ANGPT4: variants seen among roughly 807,000 people sequenced by gnomAD.
ANGPT4 encodes the protein angiopoietin-4.
A neutral mutation model predicts 53.0 loss-of-function variants in ANGPT4; 50 were observed. The ratio of observed to expected loss-of-function variants is 0.94; its 90% CI spans 0.75 to 1.20. The LOEUF (loss-of-function observed/expected upper bound fraction) is 1.20. ANGPT4 is among the 50% of genes most tolerant of loss of function. ANGPT4 has a pLI of 0.00. For synonymous variants in ANGPT4, 251 were observed against 259.7 expected (o/e 0.97, Z 0.32); for missense variants, 648 against 637.1 (o/e 1.02, Z -0.18).
chr20:884,416 C>T (rs6118080), intron 4 of ANGPT4, among the ~76,000 whole-genome samples: 5,889 of 152,290 alleles, frequency 0.039, 382 homozygotes, highest in African/African-American at 0.13. Flanking sequence ...CCCCAGCACC[C>T]AGCACTGGGC....
intron 1 of ANGPT4, among the ~76,000 whole-genome samples, chr20:896,620 T>A (rs1023374113): frequency 2.0e-5 from 3 of 152,216 alleles, no homozygotes; most frequent in African/African-American, 7.2e-5. Context: ...ATGCATCTTG[T>A]CAACTGCAGA....
In ANGPT4 at chr20:881,134, C is replaced by A. The variant is rs1044716875; in HGVS notation, c.951+37G>T. ...TGTTTGGGAAGCCCTTGGCTCAGCACCCTCTAACAGCCACAGTTCCCAGGG... is the reference window on the plus strand; with the variant it reads ...TGTTTGGGAAGCCCTTGGCTCAGCAACCTCTAACAGCCACAGTTCCCAGGG... On this transcript the variant is annotated intron_variant, in intron 5 of 8. Transcript: ENST00000381922. 6 of 1,508,832 alleles carry A rather than the reference C, an allele frequency of 4.0e-6. No homozygotes were observed. In the African/African-American group the frequency reaches 5.6e-5, roughly 14 times the overall value. The allele number at this position is 1,508,832 out of a possible 1,614,324, so 93.5% of individuals were successfully genotyped here. A position where few individuals can be genotyped will look rare whatever the true frequency, so the allele number is the denominator to read the frequency against.
At chr20:897,065 G>A (rs897994032) in intron 1 of ANGPT4, among the ~76,000 whole-genome samples, 9 of 152,076 alleles carry the variant, frequency 5.9e-5, no homozygotes, top group East Asian at 5.8e-4. Context: ...GCCCCTGCCC[G>A]CCAGAGAACA....
intron 5 of ANGPT4, among the ~76,000 whole-genome samples, chr20:880,416 C>A (rs1981356112): frequency 6.6e-6 from 1 of 152,050 alleles, no homozygotes; most frequent in African/African-American, 2.4e-5. Flanking sequence ...GAGACTTTGT[C>A]CCTACAAAAT....
intron 1 of ANGPT4, among the ~76,000 whole-genome samples, chr20:909,665 C>G (rs772511954): frequency 6.6e-6 from 1 of 152,198 alleles, no homozygotes; most frequent in Non-Finnish European, 1.5e-5. Context: ...TGTTAGTGTC[C>G]TCACTTCACA....
chr20:885,160 C>T lies in ANGPT4; in HGVS notation c.753G>A (p.Leu251=), dbSNP rs1303299936. Residue 251 remains leucine, a synonymous_variant, in exon 4 of 9, where the codon CTG becomes CTA. Transcript: ENST00000381922. ...GGCGCAGGCTGTGCTGCTGGTCCTGCAGGAGGCTGGAGTTGTGCCTGACAC... is the reference window on the plus strand; with the variant it reads ...GGCGCAGGCTGTGCTGCTGGTCCTGTAGGAGGCTGGAGTTGTGCCTGACAC... ...LRGVRHNSSL[L]QDQQHSLRQL... 3 of 1,610,040 alleles carry T rather than the reference C, an allele frequency of 1.9e-6. No homozygotes were observed. The highest frequency in any genetic ancestry group is 2.5e-6 in the Non-Finnish European group (3 of 1,178,498).
rs1982697328 is a variant in ANGPT4 at position 911,499 on chromosome 20, G to A, written c.309+4407C>T. Among the ~76,000 whole-genome samples the A allele has an allele frequency of 6.6e-6, 1 of 152,180 alleles. No individual in the cohort carries two copies. Among genetic ancestry groups the A allele is most frequent in the South Asian group, 2.1e-4 (1 of 4,828 alleles). On this transcript the variant is annotated intron_variant, in intron 1 of 8. Coordinates refer to ENST00000381922, the MANE Select transcript of ANGPT4 (RefSeq NM_015985.4). The surrounding 1 kb of genome is among the most constrained non-coding windows in gnomAD (Gnocchi z 4.9). ...GAGGGATGGCCTTGGGGTGAGAAAA[G>A]GAGGAGCTGAGAAAGAGACAGGAAA...
chr20:895,436 G>A (rs151241252), intron 1 of ANGPT4, among the ~76,000 whole-genome samples: 61 of 152,296 alleles, frequency 4.0e-4, no homozygotes, highest in African/African-American at 1.4e-3. Flanking sequence ...AGACTACTGT[G>A]TTTCTCTGAG....
In ANGPT4 at chr20:914,153, T is replaced by C. The variant is rs1982824319; in HGVS notation, c.309+1753A>G. Among the ~76,000 whole-genome samples, 1 of 152,142 alleles carries C rather than the reference T, an allele frequency of 6.6e-6. No individual in the cohort carries two copies. Among genetic ancestry groups the C allele is most frequent in the African/African-American group, 2.4e-5 (1 of 41,412 alleles). On this transcript the variant is annotated intron_variant, in intron 1 of 8. Transcript: ENST00000381922. This position sits in a 1 kb window ranked among gnomAD's most constrained non-coding sequence, Gnocchi z 5.0. ...ACCTACTGTGTGTTCGGCACTATTCTAGGCCCTGGGAACCCAGAAGTGAGC... is the reference window on the plus strand; with the variant it reads ...ACCTACTGTGTGTTCGGCACTATTCCAGGCCCTGGGAACCCAGAAGTGAGC...
At chr20:902,030 C>A (rs1411088724) in intron 1 of ANGPT4, among the ~76,000 whole-genome samples, 1 of 152,112 alleles carries the variant, frequency 6.6e-6, no homozygotes, top group Non-Finnish European at 1.5e-5. Context: ...ACACTATATA[C>A]AATGTGGATC....
intron 1 of ANGPT4, among the ~76,000 whole-genome samples, chr20:905,368 G>T (rs1982441730): frequency 6.6e-6 from 1 of 152,194 alleles, no homozygotes. Context: ...ATAAATATTT[G>T]TGGAAAGAGC....
At chr20:886,862 A>G (rs1981636618) in intron 3 of ANGPT4, among the ~76,000 whole-genome samples, 1 of 152,230 alleles carries the variant, frequency 6.6e-6, no homozygotes. Context: ...AATCTTCTGT[A>G]TGTATGTGTT....
chr20:885,841 C>G (rs1981599877), intron 3 of ANGPT4, among the ~76,000 whole-genome samples: 1 of 152,158 alleles, frequency 6.6e-6, no homozygotes, highest in South Asian at 2.1e-4. Flanking sequence ...TGGGGCACAT[C>G]AAGCCTAACC....
chr20:905,819 T>C (rs1373036002), intron 1 of ANGPT4, among the ~76,000 whole-genome samples: 1 of 152,156 alleles, frequency 6.6e-6, no homozygotes, highest in Non-Finnish European at 1.5e-5. Context: ...CCAAGGAAGA[T>C]ATCTAAAGGG....
At position 874,750 on chromosome 20, in the gene ANGPT4, G is replaced by A. The variant is rs571595146; in HGVS notation, c.1221-336C>T. Among the ~76,000 whole-genome samples the A allele has an allele frequency of 4.6e-5, 7 of 152,284 alleles. No individual in the cohort carries two copies. The South Asian group carries it at 1.5e-3, about 32-fold the overall frequency. ...TTCTTTAGAGACAGCAACTTGCTCTGTTGCCAGGCTGGAGTGCAGTGGCAC... is the reference window on the plus strand; with the variant it reads ...TTCTTTAGAGACAGCAACTTGCTCTATTGCCAGGCTGGAGTGCAGTGGCAC... On this transcript the variant is annotated intron_variant, in intron 7 of 8. Transcript: ENST00000381922.
Position 911,628 on chromosome 20 carries a change from G to A in ANGPT4, c.309+4278C>T, listed in dbSNP as rs370033661. On this transcript the variant is annotated intron_variant, in intron 1 of 8. Coordinates refer to ENST00000381922, the MANE Select transcript of ANGPT4 (RefSeq NM_015985.4). The surrounding 1 kb of genome is among the most constrained non-coding windows in gnomAD (Gnocchi z 4.9). Reference sequence around the variant, plus strand: ...GTCAGGGCCACCGCGAGAGCCCCAGGAGAGATCCACAGAGGCAGAGAGACT... The same window carrying A: ...GTCAGGGCCACCGCGAGAGCCCCAGAAGAGATCCACAGAGGCAGAGAGACT... 3.1e-4 allele frequency among the ~76,000 whole-genome samples: 47 copies of A among 152,110 alleles called. No individual in the cohort carries two copies. The highest frequency in any genetic ancestry group is 3.2e-3 in the Middle Eastern group (1 of 316).
chr20:887,532 C>A lies in ANGPT4; in HGVS notation c.587+786G>T, dbSNP rs551334864. On this transcript the variant is annotated intron_variant, in intron 3 of 8. Coordinates refer to ENST00000381922, the MANE Select transcript of ANGPT4 (RefSeq NM_015985.4). ...TTCAGTGGGTAGATTTTGCCTTCTCCAGAACCCTGACTTTGGCAGCTTTTT... is the reference window on the plus strand; with the variant it reads ...TTCAGTGGGTAGATTTTGCCTTCTCAAGAACCCTGACTTTGGCAGCTTTTT... Among the ~76,000 whole-genome samples the A allele has an allele frequency of 2.7e-3, 413 of 152,258 alleles. 2 individuals are homozygous for A. Among genetic ancestry groups the A allele is most frequent in the African/African-American group, 9.7e-3 (401 of 41,544 alleles).
chr20:879,306 G>T (rs975865115), intron 6 of ANGPT4, among the ~76,000 whole-genome samples: 1 of 151,886 alleles, frequency 6.6e-6, no homozygotes, highest in African/African-American at 2.4e-5. Context: ...GAAAACAATC[G>T]GGCTTCTCAT....
At chr20:905,379 A>G (rs924033841) in intron 1 of ANGPT4, among the ~76,000 whole-genome samples, 1 of 152,202 alleles carries the variant, frequency 6.6e-6, no homozygotes, top group African/African-American at 2.4e-5. Context: ...TGGAAAGAGC[A>G]GATGGGTCAG....
Sources: gnomAD v4.1 joint callset for allele counts (sites outside exome capture counted in the v4.1 genomes callset) on GRCh38, gnomAD v4.1.1 for gene constraint, Gnocchi (gnomAD v3.1) non-coding constraint, MANE v1.5 for transcripts, NCBI Gene and HGNC (gene_info 2026-07-23, HGNC 2026-07-21) for gene names.